Variants in MFSD12 observed in about 807,000 individuals in gnomAD.
The protein encoded by MFSD12 is major facilitator superfamily domain-containing protein 12.
Under a neutral mutation model 51.2 loss-of-function variants are expected in MFSD12, and 67 were observed. The observed-to-expected ratio is 1.31, with a 90% confidence interval of 1.08 to 1.60. The LOEUF (loss-of-function observed/expected upper bound fraction) is 1.60. Among genes scored for constraint, MFSD12 ranks in the 40% most tolerant of loss-of-function variants. The probability of loss-of-function intolerance (pLI) is 0.00; values close to 1 mark genes in which losing one functional copy is unlikely to be tolerated. For missense variants in MFSD12, 921 were observed against 673.0 expected (o/e 1.37, Z -4.08); for synonymous variants, 441 against 316.7 (o/e 1.39, Z -4.17).
downstream of MFSD12, chr19:3,544,014 C>T (rs960654125): frequency 1.4e-5 from 22 of 1,532,808 alleles, no homozygotes; most frequent in Non-Finnish European, 1.9e-5. Context: ...CCGATAAAGG[C>T]ATGCTACCAG....
chr19:3,543,049 TCTCTC>T (rs2030560979), downstream of MFSD12: 3 of 1,603,682 alleles, frequency 1.9e-6, no homozygotes, highest in South Asian at 2.2e-5. Context: ...GGAGTCAGCC[TCTCTC>T]CTCAAGCACC....
rs571169498 is a variant in MFSD12, at chr19:3,557,205, C to A, written c.199G>T (p.Val67Leu). ...AGCGGTGTGCACAGCCCGTCGGCCA[C>A]CTGGCCCAGCAGCAGCAGCAGCCCC... ...GAGLLLLLGQ[V>L]ADGLCTPLVG... Residue 67 changes from valine (V) to leucine (L), a missense_variant, in exon 1 of 10, where the codon GTG becomes TTG. By Grantham distance (32) the Val-to-Leu change is conservative. Coordinates refer to ENST00000355415, the MANE Select transcript of MFSD12 (RefSeq NM_174983.5). 5.9e-4 allele frequency: 934 copies of A among 1,576,768 alleles called. 19 individuals carry two copies. In the South Asian group the frequency reaches 9.3e-3, roughly 16 times the overall value.
At chr19:3,546,499 TACCCCCA>T (rs892287626) in intron 6 of MFSD12, 74 bp from the exon 7 acceptor site, 1 of 1,491,834 alleles carries the variant, frequency 6.7e-7, no homozygotes, top group African/African-American at 1.4e-5. Flanking sequence ...CCGCCACCCC[TACCCCCA>T]ACCCCAGCAA....
At chr19:3,540,960 G>A (rs1721774034), downstream of MFSD12, among the ~76,000 whole-genome samples, 1 of 151,470 alleles carries the variant, frequency 6.6e-6, no homozygotes, top group African/African-American at 2.4e-5. Context: ...CACGAGGTCA[G>A]GAGATCAAGA....
At chr19:3,545,464 GGTCCTGCCCCAGGGCTTTGGCACTACTT>G (rs1342541232) in intron 8 of MFSD12, among the ~76,000 whole-genome samples, 5 of 152,224 alleles carry the variant, frequency 3.3e-5, no homozygotes, top group African/African-American at 1.2e-4. Flanking sequence ...TGCCAGGTGT[GGTCCTGCCCCAGGGCTTTGGCACTACTT>G]GTCCCTCCCC....
At position 3,544,535 on chromosome 19, in the gene MFSD12, C is replaced by T. The variant is rs1599819066; in HGVS notation, c.*175G>A. 1.3e-5 allele frequency: 18 copies of T among 1,409,924 alleles called. No homozygotes were observed. The highest frequency in any genetic ancestry group is 1.6e-5 in the Non-Finnish European group (17 of 1,084,526). The allele number at this position is 1,409,924 out of a possible 1,614,324, so 87.3% of individuals were successfully genotyped here. A position where few individuals can be genotyped will look rare whatever the true frequency, so the allele number is the denominator to read the frequency against. On this transcript the variant is annotated 3_prime_UTR_variant, in exon 10 of 10. Coordinates refer to ENST00000355415, the MANE Select transcript of MFSD12 (RefSeq NM_174983.5). ...AAAACCCAGGGGGTCCTTGCAAGTCCCTGGCGGGCATCCCTGCTGCCCTCA... is the reference window on the plus strand; with the variant it reads ...AAAACCCAGGGGGTCCTTGCAAGTCTCTGGCGGGCATCCCTGCTGCCCTCA...
At chr19:3,548,559 A>G (rs1397897084) in intron 2 of MFSD12, among the ~76,000 whole-genome samples, 1 of 152,208 alleles carries the variant, frequency 6.6e-6, no homozygotes, top group Non-Finnish European at 1.5e-5. Flanking sequence ...CTGAGAACCC[A>G]GAGACTCAGA....
chr19:3,540,503 T>A (rs1013348430), downstream of MFSD12, among the ~76,000 whole-genome samples: 18 of 150,692 alleles, frequency 1.2e-4, no homozygotes, highest in Admixed American at 1.3e-4. Context: ...TGATCTGCCC[T>A]CCTTGGCCTC....
At chr19:3,545,588 T>C (rs2030939930) in intron 8 of MFSD12, among the ~76,000 whole-genome samples, 2 of 152,266 alleles carry the variant, frequency 1.3e-5, no homozygotes, top group Non-Finnish European at 2.9e-5. Context: ...CTGCCCTGGC[T>C]GTCCAGGTTT....
At chr19:3,542,431 A>G (rs1357923899), downstream of MFSD12, 33 of 985,368 alleles carry the variant, frequency 3.3e-5, no homozygotes, top group Non-Finnish European at 4.0e-5. Flanking sequence ...TCCTTGGGAC[A>G]TATTCCCAAG....
At chr19:3,542,978 C>T (rs914256251), downstream of MFSD12, 2 of 1,567,098 alleles carry the variant, frequency 1.3e-6, no homozygotes, top group Non-Finnish European at 1.7e-6. Context: ...GCAAGAAAAG[C>T]TGAGAACAGA....
rs760192874 is a variant in MFSD12, at chr19:3,546,437, G to A, written c.1024-12C>T. 7.5e-6 allele frequency: 12 copies of A among 1,597,778 alleles called. No individual in the cohort carries two copies. The highest frequency in any genetic ancestry group is 4.0e-5 in the African/African-American group (3 of 74,732). ...GAGAAGTAGGTCATCTGCAGGGACA[G>A]CCCCGGGGTCAGGCCCACACCACTG... is the stretch of plus-strand genomic sequence containing the variant. On this transcript the variant is annotated splice_polypyrimidine_tract_variant and intron_variant, in intron 6 of 9. Transcript: ENST00000355415.
downstream of MFSD12, among the ~76,000 whole-genome samples, chr19:3,540,638 C>T (rs111409837): frequency 2.8e-5 from 4 of 142,164 alleles, no homozygotes; most frequent in African/African-American, 1.0e-4. Context: ...CCAGCACTTT[C>T]GGAGGCCGAG....
rs542131656 is a variant in MFSD12, at chr19:3,555,480, G to A, written c.298+1626C>T. Among the ~76,000 whole-genome samples, 288 of 152,262 alleles carry A rather than the reference G, an allele frequency of 1.9e-3. 3 individuals are homozygous for A. The highest frequency in any genetic ancestry group is 6.3e-3 in the African/African-American group (261 of 41,546). On this transcript the variant is annotated intron_variant, in intron 1 of 9. Coordinates refer to ENST00000355415, the MANE Select transcript of MFSD12 (RefSeq NM_174983.5). ...AGAGGCATTTGGGGCCCTGGGCTCCGCTCAGCAACCAATCCCAACGTAACC... is the reference window on the plus strand; with the variant it reads ...AGAGGCATTTGGGGCCCTGGGCTCCACTCAGCAACCAATCCCAACGTAACC...
rs774646938 is a variant in MFSD12 at position 3,544,891 on chromosome 19, C to G, written c.1338G>C (p.Met446Ile). 1 of 1,611,910 alleles carries G rather than the reference C, an allele frequency of 6.2e-7. No homozygotes were observed. Among genetic ancestry groups the G allele is most frequent in the Admixed American group, 1.7e-5 (1 of 59,924 alleles). ...RACVSFYHWA[M>I]VAVTGGVGVA... ...CGCCCACGCCGCCCGTCACAGCCAC[C>G]ATCGCCCAGTGGTAAAAGCTCACGC... Residue 446 changes from methionine to isoleucine, a missense_variant, in exon 9 of 10, where the codon ATG (methionine) becomes ATC (isoleucine). Physicochemically the swap from Met to Ile is conservative, Grantham distance 10 (BLOSUM62 1). Coordinates refer to ENST00000355415, the MANE Select transcript of MFSD12 (RefSeq NM_174983.5).
rs374300508 is a variant in MFSD12, at chr19:3,544,790, G to C, written c.1420+19C>G. 2.0e-5 allele frequency: 32 copies of C among 1,609,806 alleles called. No individual in the cohort carries two copies. Among genetic ancestry groups the C allele is most frequent in the Non-Finnish European group, 2.6e-5 (31 of 1,177,646 alleles). ...GTGTGGGTCAGTGTCTGGGGAGGGAGGGGTGGGCCAGGACTCACAGCGTCG... is the reference window on the plus strand; with the variant it reads ...GTGTGGGTCAGTGTCTGGGGAGGGACGGGTGGGCCAGGACTCACAGCGTCG... On this transcript the variant is annotated intron_variant, in intron 9 of 9. Coordinates refer to ENST00000355415, the MANE Select transcript of MFSD12 (RefSeq NM_174983.5).
chr19:3,543,528 T>TGACC (rs1157492914), downstream of MFSD12: 8 of 1,365,242 alleles, frequency 5.9e-6, no homozygotes. Flanking sequence ...GGGACAGGAA[T>TGACC]GACCGCCAGC....
At chr19:3,549,738 A>G (rs1180629334) in intron 2 of MFSD12, among the ~76,000 whole-genome samples, 1 of 140,026 alleles carries the variant, frequency 7.1e-6, no homozygotes, top group African/African-American at 2.7e-5. Flanking sequence ...AAAAAAAAAA[A>G]AAAAGCCAGG....
chr19:3,544,305 C>G lies in MFSD12; in HGVS notation c.*405G>C, dbSNP rs1392723475. On this transcript the variant is annotated 3_prime_UTR_variant, in exon 10 of 10. Transcript: ENST00000355415. ...GCCCAGCCCACCACCCCGTGGCTGT[C>G]TCCTCCAGGCTCCAGCCGTCCTGAG... is the stretch of plus-strand genomic sequence containing the variant. The G allele has an allele frequency of 1.6e-6, 2 of 1,277,326 alleles. No individual in the cohort carries two copies. Among genetic ancestry groups the G allele is most frequent in the Non-Finnish European group, 2.0e-6 (2 of 1,011,992 alleles). 79.1% of individuals were successfully genotyped at this position (1,277,326 alleles called of 1,614,324 possible).
Sources: gnomAD v4.1 joint callset for allele counts (sites outside exome capture counted in the v4.1 genomes callset) on GRCh38, gnomAD v4.1.1 for gene constraint, MANE v1.5 for transcripts, NCBI Gene and HGNC (gene_info 2026-07-23, HGNC 2026-07-21) for gene names.